FBXW11: variants seen among roughly 807,000 people sequenced by gnomAD.
FBXW11 encodes F-box and WD repeat domain containing 11.
A neutral mutation model predicts 77.6 loss-of-function variants in FBXW11; 19 were observed. That is an observed-to-expected ratio of 0.24 (90% CI 0.17 to 0.36). FBXW11 has a LOEUF of 0.36. Ranked by LOEUF, FBXW11 falls within the 10% of genes least tolerant of loss-of-function variation. The pLI, the probability that FBXW11 is intolerant of heterozygous loss-of-function variation, is 1.00. For missense variants in FBXW11, 334 were observed against 704.2 expected (o/e 0.47, Z 5.95); for synonymous variants, 235 against 249.4 (o/e 0.94, Z 0.54).
chr5:171,976,903 A>G (rs981120532), intron 1 of FBXW11, among the ~76,000 whole-genome samples: 2 of 152,018 alleles, frequency 1.3e-5, no homozygotes, highest in African/African-American at 2.4e-5. Flanking sequence ...AAAATTAGCC[A>G]GGTGTGGTGG....
intron 13 of FBXW11, among the ~76,000 whole-genome samples, chr5:171,866,775 A>G (rs1561626764): frequency 6.6e-6 from 1 of 151,994 alleles, no homozygotes; most frequent in Non-Finnish European, 1.5e-5. Context: ...CAGGGGGAGG[A>G]GCAATCACTC....
At chr5:171,917,933 T>C (rs1286974398) in intron 2 of FBXW11, among the ~76,000 whole-genome samples, 1 of 152,136 alleles carries the variant, frequency 6.6e-6, no homozygotes, top group African/African-American at 2.4e-5. Flanking sequence ...TTAATCCAAC[T>C]TTCCCAAGTT....
intron 2 of FBXW11, among the ~76,000 whole-genome samples, chr5:171,919,922 G>T (rs1012024375): frequency 2.6e-5 from 4 of 152,146 alleles, no homozygotes; most frequent in African/African-American, 9.7e-5. Flanking sequence ...TTGGGAGGCT[G>T]AAGTGGGCGG....
At chr5:171,881,095 C>T (rs1298463707) in intron 7 of FBXW11, among the ~76,000 whole-genome samples, 2 of 152,144 alleles carry the variant, frequency 1.3e-5, no homozygotes, top group Non-Finnish European at 2.9e-5. Context: ...GGCAAACTTG[C>T]TATAATCATT....
intron 9 of FBXW11, among the ~76,000 whole-genome samples, 161 bp from the exon 10 acceptor site, chr5:171,873,151 A>AC (rs540358181): frequency 6.6e-6 from 1 of 152,212 alleles, no homozygotes; most frequent in South Asian, 2.1e-4. Context: ...GGCAGACTAG[A>AC]CAGCATAAAA....
chr5:171,879,879 G>A (rs1263185500), intron 7 of FBXW11, among the ~76,000 whole-genome samples: 1 of 152,036 alleles, frequency 6.6e-6, no homozygotes, highest in African/African-American at 2.4e-5. Flanking sequence ...CTAGTCTGTG[G>A]CTTGTTTTTT....
At position 171,876,241 on chromosome 5, in the gene FBXW11, A is replaced by C; in HGVS notation, c.1221+44T>G. 6.8e-6 allele frequency: 11 copies of C among 1,608,074 alleles called. No homozygotes were observed. The highest frequency in any genetic ancestry group is 9.4e-6 in the Non-Finnish European group (11 of 1,176,140). ...CCACCTCTGCTTTGTCTCTGTTCTA[A>C]AAGGGACAGGAACAGGTAGGGTTAT... is the stretch of plus-strand genomic sequence containing the variant. On this transcript the variant is annotated intron_variant, in intron 9 of 13. Transcript: ENST00000517395. This position sits in a 1 kb window ranked among gnomAD's most constrained non-coding sequence, Gnocchi z 4.2.
chr5:171,933,852 T>TA lies in FBXW11; in HGVS notation c.148-19448dup, dbSNP rs373008261. ...GAGACACATGCAATTTTCATCTATTTAAAAAAAAAACTATACAGGGAAAAG... is the reference window on the plus strand; with the variant it reads ...GAGACACATGCAATTTTCATCTATTTAAAAAAAAAAACTATACAGGGAAAAG... On this transcript the variant is annotated intron_variant, in intron 2 of 13. Coordinates refer to ENST00000517395, the MANE Select transcript of FBXW11 (RefSeq NM_001378974.1). Among the ~76,000 whole-genome samples the TA allele has an allele frequency of 6.4e-3, 952 of 148,936 alleles. 9 individuals are homozygous for TA. Among genetic ancestry groups the TA allele is most frequent in the African/African-American group, 0.022 (889 of 40,700 alleles).
At chr5:171,958,392 A>G (rs889744404) in intron 1 of FBXW11, among the ~76,000 whole-genome samples, 4 of 152,342 alleles carry the variant, frequency 2.6e-5, no homozygotes, top group Admixed American at 6.5e-5. Context: ...GAATAAGGCA[A>G]AAAGAACAAG....
At chr5:171,977,348 AAG>A (rs943327518) in intron 1 of FBXW11, among the ~76,000 whole-genome samples, 3 of 152,002 alleles carry the variant, frequency 2.0e-5, no homozygotes, top group African/African-American at 4.8e-5. Context: ...AGAAAAAAGA[AAG>A]AGGAAGAGAA....
chr5:171,973,257 T>A (rs1764632343), intron 1 of FBXW11, among the ~76,000 whole-genome samples: 1 of 151,704 alleles, frequency 6.6e-6, no homozygotes, highest in South Asian at 2.1e-4. Context: ...ACCCAGAAAG[T>A]GGGAAGTTAT....
intron 4 of FBXW11, among the ~76,000 whole-genome samples, chr5:171,909,076 A>G (rs78199362): frequency 2.0e-3 from 312 of 152,334 alleles, no homozygotes; most frequent in African/African-American, 6.4e-3. Flanking sequence ...TGAAATCTCT[A>G]TATCTTACCT....
chr5:171,893,803 T>C lies in FBXW11; in HGVS notation c.715-2199A>G, dbSNP rs558894744. On this transcript the variant is annotated intron_variant, in intron 6 of 13. Coordinates refer to ENST00000517395, the MANE Select transcript of FBXW11 (RefSeq NM_001378974.1). The stretch of plus-strand genomic sequence containing the variant: ...GACAGAGATGAATACATAATATGTC[T>C]TTACATATATGTCAAGTGTTATCAA... 5.9e-5 allele frequency among the ~76,000 whole-genome samples: 9 copies of C among 152,286 alleles called. No homozygotes were observed. In the South Asian group the frequency reaches 1.9e-3, roughly 32 times the overall value.
intron 7 of FBXW11, among the ~76,000 whole-genome samples, chr5:171,888,135 T>C (rs375441644): frequency 2.0e-5 from 3 of 152,128 alleles, no homozygotes; most frequent in African/African-American, 7.2e-5. Context: ...ACAGGGCTCA[T>C]GGCTCCAGTC....
intron 1 of FBXW11, among the ~76,000 whole-genome samples, chr5:171,985,059 G>A (rs928781741): frequency 5.3e-5 from 8 of 152,138 alleles, no homozygotes; most frequent in East Asian, 1.9e-4. Context: ...ACACATATAC[G>A]CACAGCTATC....
intron 7 of FBXW11, among the ~76,000 whole-genome samples, chr5:171,881,427 T>C (rs905068953): frequency 1.3e-5 from 2 of 152,228 alleles, no homozygotes; most frequent in Non-Finnish European, 2.9e-5. Context: ...CGAAAGAGTG[T>C]TCAATTTTCT....
rs765850474 is a variant in FBXW11, at chr5:171,900,146, A to T, written c.437-46T>A. ...TGAAGGAACGGGAAGAGAGATAGAA[A>T]GGTACCAGCCATCATTTCCTTAAAG... On this transcript the variant is annotated intron_variant, in intron 4 of 13. Coordinates refer to ENST00000517395, the MANE Select transcript of FBXW11 (RefSeq NM_001378974.1). 2.7e-6 allele frequency: 4 copies of T among 1,488,944 alleles called. No homozygotes were observed. The Admixed American group carries it at 7.8e-5, about 29-fold the overall frequency. The allele number at this position is 1,488,944 out of a possible 1,614,324, so 92.2% of individuals were successfully genotyped here. A position where few individuals can be genotyped will look rare whatever the true frequency, so the allele number is the denominator to read the frequency against.
chr5:171,976,420 C>T (rs1359525007), intron 1 of FBXW11, among the ~76,000 whole-genome samples: 3 of 152,064 alleles, frequency 2.0e-5, no homozygotes, highest in East Asian at 3.9e-4. Flanking sequence ...TTCCCTCATT[C>T]GACTGGGCAA....
chr5:171,930,923 T>G (rs1490138119), intron 2 of FBXW11, among the ~76,000 whole-genome samples: 1 of 152,054 alleles, frequency 6.6e-6, no homozygotes, highest in African/African-American at 2.4e-5. Context: ...AAAAACATAT[T>G]ACCATTTACA....
Sources: allele counts gnomAD v4.1 joint callset (sites outside exome capture counted in the v4.1 genomes callset), GRCh38; gene constraint gnomAD v4.1.1; non-coding constraint Gnocchi (gnomAD v3.1); transcripts MANE v1.5; gene names NCBI Gene and HGNC (gene_info 2026-07-23, HGNC 2026-07-21).